RBFOX1: variants seen among roughly 807,000 people sequenced by gnomAD.
RBFOX1 encodes the protein RNA binding protein fox-1 homolog 1.
In RBFOX1, 8 loss-of-function variants were observed where a neutral mutation model predicts 57.7. The observed-to-expected ratio is 0.14, with a 90% confidence interval of 0.08 to 0.25. The LOEUF is 0.25. RBFOX1 is among the 10% of genes least tolerant of loss of function. The pLI is 1.00. For synonymous variants in RBFOX1, 326 were observed against 222.4 expected, an observed-to-expected ratio of 1.47 and a Z score of -4.15; for missense variants, 611 against 548.5, an observed-to-expected ratio of 1.11 and a Z score of -1.14.
At chr16:5,805,548 T>C (rs1037013080) in intron 3 of RBFOX1, among the ~76,000 whole-genome samples, 6 of 152,164 alleles carry the variant, frequency 3.9e-5, no homozygotes, top group Non-Finnish European at 1.5e-5. Context: ...ATTGATGGGA[T>C]AATTGAGAAG....
chr16:5,851,333 AG>A (rs376816121), intron 3 of RBFOX1, among the ~76,000 whole-genome samples: 1 of 152,124 alleles, frequency 6.6e-6, no homozygotes, highest in Non-Finnish European at 1.5e-5. Context: ...TATCCTGCAA[AG>A]GCCACACTGG....
At chr16:5,960,689 G>C (rs956046131) in intron 4 of RBFOX1, among the ~76,000 whole-genome samples, 5 of 152,144 alleles carry the variant, frequency 3.3e-5, no homozygotes, top group African/African-American at 1.2e-4. Flanking sequence ...CCCTGAAAGA[G>C]TTTTCAACTT....
intron 3 of RBFOX1, among the ~76,000 whole-genome samples, chr16:6,772,547 A>G (rs1360669153): frequency 7.0e-6 from 1 of 142,534 alleles, no homozygotes; most frequent in East Asian, 2.1e-4. Flanking sequence ...TTGTGAGTGT[A>G]TGTGTATGTG....
intron 3 of RBFOX1, among the ~76,000 whole-genome samples, chr16:6,836,967 G>A (rs979508357): frequency 4.6e-5 from 7 of 152,138 alleles, no homozygotes; most frequent in African/African-American, 2.4e-5. Context: ...AGGATGGCTG[G>A]ATGGGTGGAT....
chr16:6,883,000 G>T (rs9927199), intron 3 of RBFOX1, among the ~76,000 whole-genome samples: 1 of 152,034 alleles, frequency 6.6e-6, no homozygotes. Context: ...ATTGTGAATT[G>T]TTAAGTCCAA....
chr16:5,928,100 T>G (rs1431846949), intron 4 of RBFOX1, among the ~76,000 whole-genome samples: 1 of 152,158 alleles, frequency 6.6e-6, no homozygotes, highest in East Asian at 1.9e-4. Flanking sequence ...ATTTATTTAT[T>G]TTTTATTTTT....
chr16:5,787,701 C>T (rs1019921867), intron 3 of RBFOX1, among the ~76,000 whole-genome samples: 3 of 152,082 alleles, frequency 2.0e-5, no homozygotes, highest in South Asian at 2.1e-4. Flanking sequence ...AACAGGAAGG[C>T]GAGCCCAGGA....
At chr16:7,255,368 T>G (rs2153041766) in intron 4 of RBFOX1, among the ~76,000 whole-genome samples, 1 of 152,340 alleles carries the variant, frequency 6.6e-6, no homozygotes, top group Non-Finnish European at 1.5e-5. Context: ...GTAATAATAG[T>G]GACTACTTGG....
At position 6,522,156 on chromosome 16, in the gene RBFOX1, T is replaced by A. The variant is rs199898324; in HGVS notation, c.-63-132447T>A. 9.4e-5 allele frequency among the ~76,000 whole-genome samples: 4 copies of A among 42,610 alleles called. 1 individual carries two copies. Among genetic ancestry groups the A allele is most frequent in the African/African-American group, 2.3e-4 (4 of 17,702 alleles). 28.0% of individuals were successfully genotyped at this position (42,610 alleles called of 152,430 possible). On this transcript the variant is annotated intron_variant, in intron 2 of 15. Coordinates refer to ENST00000550418, the MANE Select transcript of RBFOX1 (RefSeq NM_018723.4). ...TTAATGGCACTCTGGGGACCCACAG[T>A]GTGTGTGTGTGTGTGTGTGTGTGTG...
chr16:7,412,677 T>G (rs1178323729), intron 4 of RBFOX1, among the ~76,000 whole-genome samples: 1 of 152,262 alleles, frequency 6.6e-6, no homozygotes, highest in Non-Finnish European at 1.5e-5. Flanking sequence ...CCAAAGGCTT[T>G]TACCCCATGG....
At chr16:7,540,899 C>T (rs1218326036) in intron 5 of RBFOX1, among the ~76,000 whole-genome samples, 1 of 152,136 alleles carries the variant, frequency 6.6e-6, no homozygotes, top group Non-Finnish European at 1.5e-5. Context: ...CTGGATTCAT[C>T]CCAACACCAT....
intron 4 of RBFOX1, among the ~76,000 whole-genome samples, chr16:7,374,835 G>A (rs560422235): frequency 2.0e-4 from 31 of 152,274 alleles, no homozygotes; most frequent in Non-Finnish European, 2.9e-4. Flanking sequence ...AAACAACTGC[G>A]TATTTTGAAA....
intron 4 of RBFOX1, among the ~76,000 whole-genome samples, chr16:7,502,431 G>C (rs1373137256): frequency 2.6e-5 from 4 of 152,118 alleles, no homozygotes; most frequent in Non-Finnish European, 5.9e-5. Context: ...AACAATGTAG[G>C]GGTGGCAGGT....
At chr16:7,484,563 A>C (rs559481035) in intron 4 of RBFOX1, among the ~76,000 whole-genome samples, 4 of 152,290 alleles carry the variant, frequency 2.6e-5, no homozygotes, top group Admixed American at 6.5e-5. Context: ...CCTGAGTTCA[A>C]GCAATTCTCC....
chr16:6,859,119 A>ATATATACGTATATGTATATATATATATG (rs2058441817), intron 3 of RBFOX1, among the ~76,000 whole-genome samples: 1 of 82,212 alleles, frequency 1.2e-5, no homozygotes, highest in Admixed American at 1.4e-4. Flanking sequence ...GTGTATATAT[A>ATATATACGTATATGTATATATATATATG]TATATATATA....
chr16:5,289,669 C>G (rs576893408), intron 1 of RBFOX1, among the ~76,000 whole-genome samples: 1 of 152,206 alleles, frequency 6.6e-6, no homozygotes, highest in Admixed American at 6.5e-5. Context: ...CCCTGAGGGT[C>G]TAGGGGAGTT....
At chr16:5,924,654 C>A (rs2058904624) in intron 4 of RBFOX1, among the ~76,000 whole-genome samples, 1 of 152,188 alleles carries the variant, frequency 6.6e-6, no homozygotes, top group Non-Finnish European at 1.5e-5. Flanking sequence ...GCCTGCAGAA[C>A]CATGAGCTAA....
chr16:5,874,865 G>A (rs1417122888), intron 4 of RBFOX1, among the ~76,000 whole-genome samples: 2 of 152,076 alleles, frequency 1.3e-5, no homozygotes, highest in Admixed American at 1.3e-4. Context: ...GGATCACTTG[G>A]GACCCAGGAG....
At chr16:6,542,191 G>A (rs1281448616) in intron 2 of RBFOX1, among the ~76,000 whole-genome samples, 1 of 152,102 alleles carries the variant, frequency 6.6e-6, no homozygotes, top group Non-Finnish European at 1.5e-5. Context: ...CTCTCAAAGT[G>A]CTGGGATTAC....
Sources: gnomAD v4.1 joint callset for allele counts (sites outside exome capture counted in the v4.1 genomes callset) on GRCh38, gnomAD v4.1.1 for gene constraint, MANE v1.5 for transcripts, NCBI Gene and HGNC (gene_info 2026-07-23, HGNC 2026-07-21) for gene names.